Variants in CSRP2 observed in about 807,000 individuals in gnomAD.
The protein encoded by CSRP2 is cysteine and glycine-rich protein 2.
CSRP2 carries 18 observed loss-of-function variants against 24.6 expected under a neutral mutation model. The ratio of observed to expected loss-of-function variants is 0.73; its 90% CI spans 0.51 to 1.09. The LOEUF is 1.09. Among genes scored for constraint, CSRP2 ranks in the 50% least tolerant of loss-of-function variants. The pLI is 0.00. For synonymous variants in CSRP2, 87 were observed against 84.3 expected, an observed-to-expected ratio of 1.03 and a Z score of -0.18; for missense variants, 215 against 239.4, an observed-to-expected ratio of 0.90 and a Z score of 0.67.
intron 1 of CSRP2, among the ~76,000 whole-genome samples, chr12:76,877,040 G>C (rs1330051447): frequency 6.6e-6 from 1 of 152,212 alleles, no homozygotes; most frequent in Non-Finnish European, 1.5e-5. Flanking sequence ...TGTGAATTTG[G>C]TCCTGCCTGG....
chr12:76,870,413 T>G (rs922657677), intron 1 of CSRP2, among the ~76,000 whole-genome samples: 2 of 152,240 alleles, frequency 1.3e-5, no homozygotes, highest in East Asian at 3.8e-4. Context: ...TTACTTATTC[T>G]AAGTTAACTG....
intron 1 of CSRP2, among the ~76,000 whole-genome samples, chr12:76,869,115 G>T (rs1424007013): frequency 6.6e-6 from 1 of 152,056 alleles, no homozygotes; most frequent in African/African-American, 2.4e-5. Flanking sequence ...GGCAGGTTTA[G>T]TGTCTGCTAA....
Position 76,859,585 on chromosome 12 carries a change from G to A in CSRP2, c.467C>T (p.Thr156Ile). 1.2e-6 allele frequency: 2 copies of A among 1,613,200 alleles called. No homozygotes were observed. The highest frequency in any genetic ancestry group is 1.3e-5 in the African/African-American group (1 of 74,914). Residue 156 changes from threonine to isoleucine, a missense_variant, in exon 5 of 6, where the codon ACA becomes ATA. By Grantham distance (89) the Thr-to-Ile change is moderately conservative. Transcript: ENST00000311083. ...TTCACCTTCTTTTTCAGTCAGAGTT[G>A]TTGATTCAAGACTCTTCCCACACTT... ...CAKCGKSLES[T>I]TLTEKEGEIY...
At position 76,867,320 on chromosome 12, in the gene CSRP2, C is replaced by T. The variant is rs148206818; in HGVS notation, c.-1-1059G>A. 4.6e-3 allele frequency among the ~76,000 whole-genome samples: 596 copies of T among 130,006 alleles called. 6 individuals are homozygous for T. Among genetic ancestry groups the T allele is most frequent in the African/African-American group, 0.016 (551 of 34,120 alleles). 85.3% of individuals were successfully genotyped at this position (130,006 alleles called of 152,430 possible). A position where few individuals can be genotyped will look rare whatever the true frequency, so the allele number is the denominator to read the frequency against. On this transcript the variant is annotated intron_variant, in intron 1 of 5. Transcript: ENST00000311083. ...CCTGACCAACATAGCGAAACCCCGT[C>T]TCTGCTAAATTTAAAAAAAAAAAAA... is the stretch of plus-strand genomic sequence containing the variant.
intron 2 of CSRP2, among the ~76,000 whole-genome samples, chr12:76,865,123 G>A (rs4761453): frequency 0.61 from 92,905 of 152,026 alleles, 28,456 homozygotes; most frequent in East Asian, 0.67. Flanking sequence ...ATGACCAGTA[G>A]AGAACTTGAC....
chr12:76,872,022 C>T (rs1292449175), intron 1 of CSRP2, among the ~76,000 whole-genome samples: 2 of 152,176 alleles, frequency 1.3e-5, no homozygotes, highest in African/African-American at 2.4e-5. Flanking sequence ...CATGCCTTTC[C>T]CAAATCCTAG....
chr12:76,862,944 G>A (rs775719761), intron 3 of CSRP2: 1 of 1,499,394 alleles, frequency 6.7e-7, no homozygotes, highest in African/African-American at 1.4e-5. Flanking sequence ...ACGACTCCTT[G>A]ATACAGCTTG....
chr12:76,868,996 C>T (rs904708554), intron 1 of CSRP2, among the ~76,000 whole-genome samples: 1 of 151,378 alleles, frequency 6.6e-6, no homozygotes, highest in African/African-American at 2.4e-5. Context: ...CTACCCCTAT[C>T]TTAGTCTGTT....
intron 1 of CSRP2, among the ~76,000 whole-genome samples, chr12:76,871,681 G>A (rs749191258): frequency 6.6e-6 from 1 of 151,484 alleles, no homozygotes; most frequent in Admixed American, 6.6e-5. Context: ...GGAGAATGGC[G>A]TGAACCCAGG....
chr12:76,859,641 C>A lies in CSRP2; in HGVS notation c.412-1G>T. ...ATCGGAAACAGTTTTTGTGCCAGGGCTGGAAGAGATGAATGTGTCAGCATG... is the reference window on the plus strand; with the variant it reads ...ATCGGAAACAGTTTTTGTGCCAGGGATGGAAGAGATGAATGTGTCAGCATG... On this transcript the variant is annotated splice_acceptor_variant, in intron 4 of 5. Coordinates refer to ENST00000311083, the MANE Select transcript of CSRP2 (RefSeq NM_001321.3). LOFTEE classifies it high-confidence loss of function. 1 of 1,609,472 alleles carries A rather than the reference C, an allele frequency of 6.2e-7. No individual in the cohort carries two copies. The highest frequency in any genetic ancestry group is 8.5e-7 in the Non-Finnish European group (1 of 1,178,392).
rs374755270 is a variant in CSRP2, at chr12:76,866,134, T to C, written c.112+15A>G. ...TACAAATTCCGTCAAAGGTGGAGCA[T>C]GGAGAGCTACTTACTGCAGAGAAAG... On this transcript the variant is annotated intron_variant, in intron 2 of 5. Coordinates refer to ENST00000311083, the MANE Select transcript of CSRP2 (RefSeq NM_001321.3). 1.6e-5 allele frequency: 25 copies of C among 1,590,876 alleles called. No homozygotes were observed. In the African/African-American group the frequency reaches 1.7e-4, roughly 11 times the overall value.
At chr12:76,866,897 G>A (rs1399848506) in intron 1 of CSRP2, among the ~76,000 whole-genome samples, 3 of 152,034 alleles carry the variant, frequency 2.0e-5, no homozygotes, top group Non-Finnish European at 4.4e-5. Flanking sequence ...CACAACAAAC[G>A]CCCATCCAGA....
intron 3 of CSRP2, chr12:76,861,578 A>T: frequency 6.6e-6 from 1 of 152,136 alleles, no homozygotes; most frequent in East Asian, 1.9e-4. Flanking sequence ...GGAGAGCAGA[A>T]CAAGTAAAAT....
chr12:76,865,449 A>T lies in CSRP2; in HGVS notation c.112+700T>A, dbSNP rs550748391. Among the ~76,000 whole-genome samples, 16 of 152,322 alleles carry T rather than the reference A, an allele frequency of 1.1e-4. No homozygotes were observed. In the South Asian group the frequency reaches 2.7e-3, roughly 26 times the overall value. Reference sequence around the variant, plus strand: ...TGCAAAGCAGTTTAGTTATGCTATTAAAGAGGTCCAGATACCTTGAATGCT... The same window carrying T: ...TGCAAAGCAGTTTAGTTATGCTATTTAAGAGGTCCAGATACCTTGAATGCT... On this transcript the variant is annotated intron_variant, in intron 2 of 5. Transcript: ENST00000311083.
chr12:76,873,475 T>C lies in CSRP2; in HGVS notation c.-2+5463A>G, dbSNP rs138338456. Among the ~76,000 whole-genome samples the C allele has an allele frequency of 2.4e-3, 371 of 152,306 alleles. 3 individuals are homozygous for C. The highest frequency in any genetic ancestry group is 8.3e-3 in the African/African-American group (347 of 41,566). On this transcript the variant is annotated intron_variant, in intron 1 of 5. Transcript: ENST00000311083. The stretch of plus-strand genomic sequence containing the variant: ...CACTGAACCAAGGATGAACTCTTCA[T>C]GTCTTAGTGATCAGCTCCGTACTCC...
intron 1 of CSRP2, among the ~76,000 whole-genome samples, chr12:76,871,763 C>CAAAA (rs5799293): frequency 8.1e-6 from 1 of 122,904 alleles, no homozygotes. Context: ...GACTCCGACT[C>CAAAA]AAAAAAAAAA....
At chr12:76,865,213 A>T (rs1213654635) in intron 2 of CSRP2, among the ~76,000 whole-genome samples, 1 of 152,232 alleles carries the variant, frequency 6.6e-6, no homozygotes, top group Non-Finnish European at 1.5e-5. Flanking sequence ...AGACAGATGA[A>T]ACTGAGAGCA....
chr12:76,875,316 C>A (rs1953842869), intron 1 of CSRP2, among the ~76,000 whole-genome samples: 1 of 152,294 alleles, frequency 6.6e-6, no homozygotes, highest in East Asian at 1.9e-4. Context: ...AGTGAACACT[C>A]CTGTGTGTAC....
chr12:76,875,687 A>G (rs1198087012), intron 1 of CSRP2, among the ~76,000 whole-genome samples: 1 of 152,216 alleles, frequency 6.6e-6, no homozygotes, highest in Non-Finnish European at 1.5e-5. Flanking sequence ...GCTTATTTAT[A>G]CAATAAGGCA....
Sources: allele counts gnomAD v4.1 joint callset (sites outside exome capture counted in the v4.1 genomes callset), GRCh38; gene constraint gnomAD v4.1.1; transcripts MANE v1.5; gene names NCBI Gene and HGNC (gene_info 2026-07-23, HGNC 2026-07-21).